The following PEDS1 variants were observed in gnomAD, a reference collection of about 807,000 sequenced individuals.
PEDS1 encodes the protein plasmanylethanolamine desaturase 1.
In PEDS1, 14 loss-of-function variants were observed where a neutral mutation model predicts 35.2. The ratio of observed to expected loss-of-function variants is 0.40; its 90% CI spans 0.26 to 0.62. The LOEUF is 0.62. Among genes scored for constraint, PEDS1 ranks in the 20% least tolerant of loss-of-function variants. The probability of loss-of-function intolerance (pLI) is 0.44; values close to 1 mark genes in which losing one functional copy is unlikely to be tolerated. For missense variants in PEDS1, 260 were observed against 367.8 expected (o/e 0.71, Z 2.40); for synonymous variants, 152 against 152.0 (o/e 1.00, Z 0.00).
At chr20:50,148,658 C>T (rs1341125880) in intron 1 of PEDS1, among the ~76,000 whole-genome samples, 1 of 152,152 alleles carries the variant, frequency 6.6e-6, no homozygotes, top group Non-Finnish European at 1.5e-5. Flanking sequence ...CAGGCAGAGA[C>T]AAGCCCCAAA....
At chr20:50,150,782 G>A (rs73278571) in intron 1 of PEDS1, among the ~76,000 whole-genome samples, 14,619 of 151,512 alleles carry the variant, frequency 0.096, 2,267 homozygotes, top group African/African-American at 0.33. Context: ...AACAACCTCC[G>A]CCTCCTGGGT....
chr20:50,128,213 G>T lies in PEDS1; in HGVS notation c.479-26C>A. On this transcript the variant is annotated intron_variant, in intron 4 of 5. Transcript: ENST00000371652. The surrounding 1 kb of genome is among the most constrained non-coding windows in gnomAD (Gnocchi z 5.2). ...CTGCAGGTTGGGGAGAGGGGGGGCCGGCACAGCTGTCACTCGGGACGGGGA... is the reference window on the plus strand; with the variant it reads ...CTGCAGGTTGGGGAGAGGGGGGGCCTGCACAGCTGTCACTCGGGACGGGGA... 2 of 1,612,310 alleles carry T rather than the reference G, an allele frequency of 1.2e-6. No homozygotes were observed. Among genetic ancestry groups the T allele is most frequent in the South Asian group, 2.2e-5 (2 of 90,958 alleles).
In PEDS1 at chr20:50,140,215, A is replaced by T. The variant is rs184357633; in HGVS notation, c.241+3287T>A. 2.6e-3 allele frequency among the ~76,000 whole-genome samples: 397 copies of T among 152,256 alleles called. 2 individuals carry two copies. Among genetic ancestry groups the T allele is most frequent in the African/African-American group, 9.0e-3 (373 of 41,546 alleles). On this transcript the variant is annotated intron_variant, in intron 2 of 5. Coordinates refer to ENST00000371652, the MANE Select transcript of PEDS1 (RefSeq NM_199129.4). ...CTCCTCCAGAATTTGACAACGCATC[A>T]CCACCTCCACCGCTCCACCCAGGTC...
At position 50,139,806 on chromosome 20, in the gene PEDS1, C is replaced by T. The variant is rs535720696; in HGVS notation, c.241+3696G>A. Among the ~76,000 whole-genome samples the T allele has an allele frequency of 4.9e-4, 74 of 152,080 alleles. 3 individuals are homozygous for T. The South Asian group carries it at 0.014, about 29-fold the overall frequency. Reference sequence around the variant, plus strand: ...TCAATTTCTCCTGTCTCAGCCTCCCCAGTAGCTGGGATTATAGGCGCCTAC... The same window carrying T: ...TCAATTTCTCCTGTCTCAGCCTCCCTAGTAGCTGGGATTATAGGCGCCTAC... On this transcript the variant is annotated intron_variant, in intron 2 of 5. Coordinates refer to ENST00000371652, the MANE Select transcript of PEDS1 (RefSeq NM_199129.4).
In PEDS1 at chr20:50,153,551, G is replaced by A. The variant is rs765556324; in HGVS notation, c.87C>T (p.Ala29=). 11 of 1,433,846 alleles carry A rather than the reference G, an allele frequency of 7.7e-6. No individual in the cohort carries two copies. Among genetic ancestry groups the A allele is most frequent in the Non-Finnish European group, 1.0e-5 (11 of 1,087,190 alleles). 88.8% of individuals were successfully genotyped at this position (1,433,846 alleles called of 1,614,324 possible). A position where few individuals can be genotyped will look rare whatever the true frequency, so the allele number is the denominator to read the frequency against. ...ASCCRWGAQH[A]GARELAALYS... ...AGAGCGCAGCCAGCTCGCGGGCCCC[G>A]GCGTGCTGCGCGCCCCAGCGGCAAC... is the stretch of plus-strand genomic sequence containing the variant. The change falls in exon 1 of 6, where the codon GCC becomes GCT. Residue 29 remains alanine, a synonymous_variant. Transcript: ENST00000371652.
chr20:50,129,436 CTCTT>C lies in PEDS1; in HGVS notation c.478+106_478+109del. 6.9e-7 allele frequency: 1 copy of C among 1,440,682 alleles called. No homozygotes were observed. The highest frequency in any genetic ancestry group is 1.4e-5 in the South Asian group (1 of 71,064). The allele number at this position is 1,440,682 out of a possible 1,614,324, so 89.2% of individuals were successfully genotyped here. On this transcript the variant is annotated intron_variant, in intron 4 of 5. Transcript: ENST00000371652. The surrounding 1 kb of genome is among the most constrained non-coding windows in gnomAD (Gnocchi z 4.2). ...TTTACATGAAGACAATGAATGAAAA[CTCTT>C]TTAAAATACCATAAGGAGCCAAACA...
chr20:50,136,453 G>A (rs914334809), intron 2 of PEDS1, among the ~76,000 whole-genome samples: 1 of 150,932 alleles, frequency 6.6e-6, no homozygotes, highest in Non-Finnish European at 1.5e-5. Flanking sequence ...GCTGGGCGCA[G>A]GGCTCACACC....
intron 5 of PEDS1, 88 bp from the exon 6 acceptor site, chr20:50,125,267 G>C (rs536313566): frequency 1.3e-6 from 2 of 1,517,796 alleles, no homozygotes; most frequent in Non-Finnish European, 1.8e-6. Flanking sequence ...GGGCTGGAGG[G>C]GCCCAATGAG....
intron 3 of PEDS1, among the ~76,000 whole-genome samples, chr20:50,130,178 C>T (rs1569042597): frequency 2.0e-5 from 3 of 152,202 alleles, no homozygotes. Flanking sequence ...TAGCCAGTGA[C>T]TGCCTGAGGG....
chr20:50,153,119 C>A (rs1431985575), intron 1 of PEDS1, among the ~76,000 whole-genome samples: 2 of 149,242 alleles, frequency 1.3e-5, no homozygotes, highest in Admixed American at 1.3e-4. Flanking sequence ...GGCCTGAGGG[C>A]AGTGCTTACA....
intron 2 of PEDS1, among the ~76,000 whole-genome samples, chr20:50,132,004 G>A (rs536297430): frequency 6.6e-6 from 1 of 152,250 alleles, no homozygotes; most frequent in African/African-American, 2.4e-5. Context: ...AGGAGTTCGA[G>A]ACTAGCCTGG....
intron 2 of PEDS1, among the ~76,000 whole-genome samples, chr20:50,138,383 G>A (rs370632444): frequency 3.3e-5 from 5 of 152,102 alleles, no homozygotes; most frequent in African/African-American, 7.2e-5. Context: ...GGGAGACTTC[G>A]CACCCAGGTA....
intron 2 of PEDS1, among the ~76,000 whole-genome samples, chr20:50,138,529 A>C (rs903809566): frequency 1.3e-5 from 2 of 152,236 alleles, no homozygotes; most frequent in African/African-American, 4.8e-5. Flanking sequence ...GCTGAGCCTC[A>C]GTCTTGCCAT....
At chr20:50,133,111 T>G (rs577588963) in intron 2 of PEDS1, among the ~76,000 whole-genome samples, 7 of 152,292 alleles carry the variant, frequency 4.6e-5, no homozygotes, top group South Asian at 2.1e-4. Context: ...CTGTGGAGAC[T>G]GCAGAAAAGC....
chr20:50,152,445 G>T (rs1031924472), intron 1 of PEDS1, among the ~76,000 whole-genome samples: 1 of 152,060 alleles, frequency 6.6e-6, no homozygotes, highest in Non-Finnish European at 1.5e-5. Context: ...GTGCCTCCCA[G>T]TCACCTGAAC....
chr20:50,133,915 G>A (rs1247802587), intron 2 of PEDS1, among the ~76,000 whole-genome samples: 1 of 152,188 alleles, frequency 6.6e-6, no homozygotes, highest in Non-Finnish European at 1.5e-5. Context: ...GAGGCCTGTC[G>A]ACCTGCCTCC....
chr20:50,147,238 G>A (rs1323236235), intron 1 of PEDS1, among the ~76,000 whole-genome samples: 1 of 152,198 alleles, frequency 6.6e-6, no homozygotes, highest in African/African-American at 2.4e-5. Flanking sequence ...TTTAAAAAGT[G>A]AGCTAAATTT....
Position 50,153,677 on chromosome 20 carries a change from CG to C in PEDS1, c.-41del. 1 of 1,208,874 alleles carries C rather than the reference CG, an allele frequency of 8.3e-7. No homozygotes were observed. Among genetic ancestry groups the C allele is most frequent in the South Asian group, 4.1e-5 (1 of 24,212 alleles). 74.9% of individuals were successfully genotyped at this position (1,208,874 alleles called of 1,614,324 possible). A position where few individuals can be genotyped will look rare whatever the true frequency, so the allele number is the denominator to read the frequency against. ...TCGGCCCGGTGCGCTCTGCTGGCGG[CG>C]GCGGCGGCAGGGCCGCGGAACCGCG... On this transcript the variant is annotated 5_prime_UTR_variant, in exon 1 of 6. Coordinates refer to ENST00000371652, the MANE Select transcript of PEDS1 (RefSeq NM_199129.4).
At chr20:50,148,305 T>C (rs1167919306) in intron 1 of PEDS1, among the ~76,000 whole-genome samples, 1 of 152,198 alleles carries the variant, frequency 6.6e-6, no homozygotes, top group Non-Finnish European at 1.5e-5. Flanking sequence ...ATCATCAGCC[T>C]GGCAGGGCCT....
Sources: gnomAD v4.1 joint callset for allele counts (sites outside exome capture counted in the v4.1 genomes callset) on GRCh38, gnomAD v4.1.1 for gene constraint, Gnocchi (gnomAD v3.1) non-coding constraint, MANE v1.5 for transcripts, NCBI Gene and HGNC (gene_info 2026-07-23, HGNC 2026-07-21) for gene names.